The following HEG1 variants were observed in gnomAD, a reference collection of about 807,000 sequenced individuals.
The protein encoded by HEG1 is heart development protein with EGF like domains 1.
Under a neutral mutation model 125.6 loss-of-function variants are expected in HEG1, and 56 were observed. The ratio of observed to expected loss-of-function variants is 0.45; its 90% confidence interval spans 0.36 to 0.56. The LOEUF (loss-of-function observed/expected upper bound fraction) is 0.56. HEG1 is among the 20% of genes least tolerant of loss of function. The pLI is 0.00. For missense variants in HEG1, 1,523 were observed against 1,670.0 expected, an observed-to-expected ratio of 0.91 and a Z score of 1.53; for synonymous variants, 644 against 668.5, an observed-to-expected ratio of 0.96 and a Z score of 0.57.
At chr3:124,980,745 T>C (rs188121085) in intron 14 of HEG1, among the ~76,000 whole-genome samples, 29 of 152,108 alleles carry the variant, frequency 1.9e-4, no homozygotes, top group Non-Finnish European at 3.4e-4. Context: ...TCTCAAACTC[T>C]TGGCCTCCAG....
chr3:125,010,579 A>T (rs1029261347), intron 6 of HEG1, 24 bp from the exon 7 acceptor site: 3 of 1,394,646 alleles, frequency 2.2e-6, no homozygotes, highest in Non-Finnish European at 3.0e-6. Context: ...CCAGGAGTAA[A>T]GCAGTTAACC....
At chr3:124,996,433 T>C (rs1407311049) in intron 12 of HEG1, among the ~76,000 whole-genome samples, 1 of 152,128 alleles carries the variant, frequency 6.6e-6, no homozygotes, top group Non-Finnish European at 1.5e-5. Flanking sequence ...TTAAAGCAGA[T>C]AAGATGGCAT....
intron 15 of HEG1, among the ~76,000 whole-genome samples, chr3:124,976,231 A>AGGCTGGAGTGCAGT (rs1388395954): frequency 2.0e-5 from 3 of 152,168 alleles, no homozygotes; most frequent in African/African-American, 4.8e-5. Flanking sequence ...TCTGTCACCC[A>AGGCTGGAGTGCAGT]GGCTGGAGTG....
rs370082445 is a variant in HEG1 at position 125,012,807 on chromosome 3, T to G, written c.2772A>C (p.Ala924=). ...CGCCAAGCTTTGTGGTCATTTCTTT[T>G]GCTGATGTGGGTACACTGGTCAAAG... ...LIPLTSVPTS[A]KEMTTKLGVT... is the part of the protein sequence containing the mutation. Residue 924 remains alanine (A), a synonymous_variant, in exon 6 of 17, where the codon GCA becomes GCC. Transcript: ENST00000311127. 4 of 1,614,068 alleles carry G rather than the reference T, an allele frequency of 2.5e-6. No homozygotes were observed. Among genetic ancestry groups the G allele is most frequent in the Non-Finnish European group, 3.4e-6 (4 of 1,179,902 alleles).
chr3:125,037,796 A>G (rs1049617978), intron 1 of HEG1, among the ~76,000 whole-genome samples: 1 of 152,228 alleles, frequency 6.6e-6, no homozygotes, highest in African/African-American at 2.4e-5. Context: ...GGGAATACAC[A>G]GACTGTGGTT....
chr3:124,985,580 G>C (rs545947565), intron 14 of HEG1, among the ~76,000 whole-genome samples: 53 of 152,228 alleles, frequency 3.5e-4, no homozygotes, highest in African/African-American at 1.2e-3. Flanking sequence ...AAGAATTCTG[G>C]GGCCATCTGG....
chr3:124,991,809 A>C (rs996545898), intron 12 of HEG1, among the ~76,000 whole-genome samples: 5 of 152,082 alleles, frequency 3.3e-5, no homozygotes, highest in African/African-American at 1.2e-4. Context: ...ATGAGGTTTC[A>C]CCATGTTGGC....
Position 125,012,963 on chromosome 3 carries a change from G to A in HEG1, c.2616C>T (p.Ala872=), listed in dbSNP as rs780722747. ...STASLVTGPI[A]VQTTAGKQLS... ...GCTGTTTTCCAGCTGTAGTCTGTAC[G>A]GCTATAGGGCCAGTGACCAGAGATG... The change falls in exon 6 of 17, where the codon GCC becomes GCT. Residue 872 remains alanine (A), a synonymous_variant. Transcript: ENST00000311127. 6.8e-6 allele frequency: 11 copies of A among 1,613,916 alleles called. No individual in the cohort carries two copies. The highest frequency in any genetic ancestry group is 4.4e-5 in the South Asian group (4 of 91,090).
chr3:125,005,509 C>T, intron 8 of HEG1, 141 bp from the exon 9 acceptor site: 1 of 558,526 alleles, frequency 1.8e-6, no homozygotes, highest in Non-Finnish European at 3.1e-6. Flanking sequence ...TGGGTGAAGA[C>T]TCCCTCTCCC....
At chr3:125,006,464 T>A (rs1937072332) in intron 8 of HEG1, among the ~76,000 whole-genome samples, 2 of 152,110 alleles carry the variant, frequency 1.3e-5, no homozygotes, top group Non-Finnish European at 2.9e-5. Context: ...GACACAGAAG[T>A]CCATGAAGCT....
At chr3:124,980,287 G>A (rs1467945427) in intron 14 of HEG1, among the ~76,000 whole-genome samples, 1 of 152,142 alleles carries the variant, frequency 6.6e-6, no homozygotes, top group Non-Finnish European at 1.5e-5. Context: ...AAAACCCTCT[G>A]TGGCTCCCTT....
chr3:125,031,723 C>T (rs1419843161), intron 1 of HEG1, among the ~76,000 whole-genome samples: 1 of 151,146 alleles, frequency 6.6e-6, no homozygotes, highest in Non-Finnish European at 1.5e-5. Context: ...CACACACATA[C>T]ACACACAGGC....
Position 125,005,287 on chromosome 3 carries a change from A to C in HEG1, c.3275T>G (p.Val1092Gly), listed in dbSNP as rs1004199719. ...TVEKHSDLQEVENEITKTLNM... is the reference protein window; with the variant it reads ...TVEKHSDLQEGENEITKTLNM... ...TACCGTTTTGGTGATCTCATTTTCA[A>C]CTTCTTGTAGGTCTGAATGTTTTTC... Residue 1092 changes from valine (V) to glycine (G), a missense_variant, in exon 9 of 17, where the codon GTT (valine) becomes GGT (glycine). Val to Gly is a moderately radical substitution (Grantham distance 109). Coordinates refer to ENST00000311127, the MANE Select transcript of HEG1 (RefSeq NM_020733.2). 1.9e-6 allele frequency: 3 copies of C among 1,596,904 alleles called. No homozygotes were observed. The highest frequency in any genetic ancestry group is 2.6e-6 in the Non-Finnish European group (3 of 1,170,296).
At chr3:124,997,965 C>A (rs1481814727) in intron 11 of HEG1, 142 bp from the exon 12 acceptor site, 3 of 852,836 alleles carry the variant, frequency 3.5e-6, no homozygotes, top group African/African-American at 1.7e-5. Context: ...AAAGTCTCCA[C>A]AGAGCAACAC....
At chr3:125,028,178 T>C (rs1937445615) in intron 2 of HEG1, among the ~76,000 whole-genome samples, 1 of 152,142 alleles carries the variant, frequency 6.6e-6, no homozygotes, top group Admixed American at 6.6e-5. Flanking sequence ...TGACTCCAGG[T>C]TCCCTCCATC....
chr3:125,010,542 A>C lies in HEG1; in HGVS notation c.2970T>G (p.Ala990=). 2 of 1,555,038 alleles carry C rather than the reference A, an allele frequency of 1.3e-6. No homozygotes were observed. Among genetic ancestry groups the C allele is most frequent in the Non-Finnish European group, 1.7e-6 (2 of 1,148,352 alleles). The change falls in exon 7 of 17, where the codon GCT becomes GCG. Residue 990 remains alanine (A), a synonymous_variant. Coordinates refer to ENST00000311127, the MANE Select transcript of HEG1 (RefSeq NM_020733.2). ...VSSSASVNSC[A]VNPCLHNGEC... ...CGCCATTGTGAAGACAAGGGTTCAC[A>C]GCACAGCTGTTGACTACAAACACAT...
At chr3:124,977,013 G>A (rs1477656637) in intron 15 of HEG1, among the ~76,000 whole-genome samples, 1 of 152,200 alleles carries the variant, frequency 6.6e-6, no homozygotes, top group African/African-American at 2.4e-5. Context: ...TGTTGTGGGA[G>A]GGACCTGGTG....
At chr3:124,996,008 CCT>C (rs1024969691) in intron 12 of HEG1, among the ~76,000 whole-genome samples, 3 of 152,212 alleles carry the variant, frequency 2.0e-5, no homozygotes, top group African/African-American at 4.8e-5. Flanking sequence ...TGTGTCATCC[CCT>C]GTCAGCAGCA....
rs761332074 is a variant in HEG1 at position 125,027,225 on chromosome 3, G to A, written c.893C>T (p.Pro298Leu). The A allele has an allele frequency of 1.9e-6, 3 of 1,608,392 alleles. No homozygotes were observed. ...CTCACATGAGGAAAGGTCTAAGAGA[G>A]GAGAGGAAGCTGCTGTCCTGTAGAA... Reference protein sequence around the residue: ...LHFYRTAASSPLLDLSSSSES... With the variant: ...LHFYRTAASSLLLDLSSSSES... Residue 298 changes from proline to leucine, a missense_variant, in exon 3 of 17, where the codon CCT becomes CTT. Transcript: ENST00000311127.
Sources: allele counts gnomAD v4.1 joint callset (sites outside exome capture counted in the v4.1 genomes callset), GRCh38; gene constraint gnomAD v4.1.1; transcripts MANE v1.5; gene names NCBI Gene and HGNC (gene_info 2026-07-23, HGNC 2026-07-21).